Variants in LRRC7 observed in about 807,000 individuals in gnomAD.
LRRC7 encodes leucine rich repeat containing 7.
In LRRC7, 23 loss-of-function variants were observed where a neutral mutation model predicts 175.7. That is an observed-to-expected ratio of 0.13 (90% CI 0.09 to 0.19). LRRC7 has a LOEUF of 0.19. Among genes scored for constraint, LRRC7 ranks in the 10% least tolerant of loss-of-function variants. The probability of loss-of-function intolerance (pLI) is 1.00; values close to 1 mark genes in which losing one functional copy is unlikely to be tolerated. For synonymous variants in LRRC7, 685 were observed against 680.9 expected, an observed-to-expected ratio of 1.01 and a Z score of -0.09; for missense variants, 1,354 against 1,904.7, an observed-to-expected ratio of 0.71 and a Z score of 5.38.
chr1:69,687,219 T>C (rs917212913), intron 2 of LRRC7, among the ~76,000 whole-genome samples: 3 of 152,094 alleles, frequency 2.0e-5, no homozygotes, highest in Non-Finnish European at 4.4e-5. Context: ...AAAGAAACTA[T>C]TATTTTAGGA....
chr1:69,705,205 A>G (rs1663877067), intron 2 of LRRC7, among the ~76,000 whole-genome samples: 1 of 152,138 alleles, frequency 6.6e-6, no homozygotes, highest in African/African-American at 2.4e-5. Context: ...ATTTTTCACT[A>G]CAATTACTTG....
chr1:69,573,975 A>G (rs1156970583), intron 1 of LRRC7, among the ~76,000 whole-genome samples: 3 of 152,144 alleles, frequency 2.0e-5, no homozygotes, highest in African/African-American at 7.2e-5. Flanking sequence ...CAGTTGTGCC[A>G]GGATATTTTT....
chr1:70,040,306 G>A (rs1210663848), intron 21 of LRRC7, among the ~76,000 whole-genome samples: 1 of 151,880 alleles, frequency 6.6e-6, no homozygotes, highest in Non-Finnish European at 1.5e-5. Context: ...TTCCCAACAA[G>A]AAACAGAAAA....
chr1:69,931,390 C>A (rs1335101355), intron 7 of LRRC7, 117 bp from the exon 8 acceptor site: 2 of 707,378 alleles, frequency 2.8e-6, no homozygotes, highest in Non-Finnish European at 5.0e-6. Context: ...CTGAAGAGTA[C>A]CCCCAGTTTT....
At chr1:69,974,864 T>G (rs183961734) in intron 8 of LRRC7, among the ~76,000 whole-genome samples, 3 of 152,304 alleles carry the variant, frequency 2.0e-5, no homozygotes, top group Admixed American at 2.0e-4. Flanking sequence ...CTCTCTTCAT[T>G]ATTTTGGAAT....
chr1:69,663,694 G>C (rs1009289711), intron 1 of LRRC7, among the ~76,000 whole-genome samples: 1 of 110,998 alleles, frequency 9.0e-6, no homozygotes, highest in East Asian at 2.7e-4. Flanking sequence ...TAGTTCAATC[G>C]TTTTAATTTT....
At chr1:69,752,779 A>G (rs1669978846) in intron 2 of LRRC7, among the ~76,000 whole-genome samples, 1 of 152,170 alleles carries the variant, frequency 6.6e-6, no homozygotes, top group Non-Finnish European at 1.5e-5. Context: ...ATCATTCAAG[A>G]GAGAAGGGAA....
chr1:69,903,607 C>T (rs1429395732), intron 7 of LRRC7, among the ~76,000 whole-genome samples: 1 of 151,980 alleles, frequency 6.6e-6, no homozygotes, highest in African/African-American at 2.4e-5. Flanking sequence ...ACTAGAGAAG[C>T]AAGAGCAAAC....
At chr1:69,605,924 A>T (rs1647481195) in intron 1 of LRRC7, among the ~76,000 whole-genome samples, 1 of 152,154 alleles carries the variant, frequency 6.6e-6, no homozygotes, top group Non-Finnish European at 1.5e-5. Context: ...GTAAGGAATG[A>T]TTCTAATGCT....
In LRRC7 at chr1:70,023,251, C is replaced by T. The variant is rs148223563; in HGVS notation, c.1671C>T (p.Val557=). 2.0e-5 allele frequency: 32 copies of T among 1,613,162 alleles called. No individual in the cohort carries two copies. The African/African-American group carries it at 3.9e-4, about 19-fold the overall frequency. The change falls in exon 17 of 27, where the codon GTC becomes GTT. Residue 557 remains valine, a synonymous_variant. Coordinates refer to ENST00000651989, the MANE Select transcript of LRRC7 (RefSeq NM_001370785.2). ...RCDQQIQDMP[V]PQNDPQLAWG... ...ATCAGCAGATCCAAGATATGCCCGT[C>T]CCCCAGAATGACCCACAGCTGGCAT...
intron 1 of LRRC7, among the ~76,000 whole-genome samples, chr1:69,664,885 A>G (rs192731679): frequency 5.9e-5 from 9 of 152,280 alleles, no homozygotes; most frequent in East Asian, 1.9e-4. Flanking sequence ...GCCCTGATCA[A>G]TGTCCTGGAG....
intron 25 of LRRC7, among the ~76,000 whole-genome samples, chr1:70,100,180 T>G (rs1664711369): frequency 6.6e-6 from 1 of 152,056 alleles, no homozygotes; most frequent in Admixed American, 6.6e-5. Context: ...AAACACAATT[T>G]TAGCACTTAC....
intron 4 of LRRC7, among the ~76,000 whole-genome samples, chr1:69,811,147 C>T (rs1400971566): frequency 1.3e-5 from 2 of 152,092 alleles, no homozygotes; most frequent in Non-Finnish European, 2.9e-5. Flanking sequence ...GACATTTATG[C>T]AGCCAACAAA....
At chr1:69,922,511 AT>A (rs1275937830) in intron 7 of LRRC7, among the ~76,000 whole-genome samples, 1 of 152,208 alleles carries the variant, frequency 6.6e-6, no homozygotes, top group East Asian at 1.9e-4. Flanking sequence ...GAACTACTTA[AT>A]ACTGGGGACA....
In LRRC7 at chr1:70,095,359, T is replaced by C. The variant is rs115804055; in HGVS notation, c.4545+5540T>C. On this transcript the variant is annotated intron_variant, in intron 25 of 26. Coordinates refer to ENST00000651989, the MANE Select transcript of LRRC7 (RefSeq NM_001370785.2). The stretch of plus-strand genomic sequence containing the variant: ...AGCTGCATCTTAGTCATATTGCAGT[T>C]TGAGGTTCAGAATGCCACTAGGTTG... Among the ~76,000 whole-genome samples, 585 of 152,304 alleles carry C rather than the reference T, an allele frequency of 3.8e-3. 4 individuals are homozygous for C. Among genetic ancestry groups the C allele is most frequent in the African/African-American group, 0.013 (553 of 41,574 alleles).
chr1:69,809,498 C>G (rs760304604), intron 4 of LRRC7, among the ~76,000 whole-genome samples: 2 of 152,068 alleles, frequency 1.3e-5, no homozygotes, highest in Admixed American at 6.6e-5. Context: ...GCCAATATCC[C>G]TGGTGAACAT....
In LRRC7 at chr1:69,647,355, C is replaced by T. The variant is rs571468933; in HGVS notation, c.3-31026C>T. The stretch of plus-strand genomic sequence containing the variant: ...AATGTCTAATTTTCAAATTAAAGTG[C>T]CTTTATTTTGCTTTCAATCTTGAGT... On this transcript the variant is annotated intron_variant, in intron 1 of 26. Transcript: ENST00000651989. Among the ~76,000 whole-genome samples, 216 of 152,160 alleles carry T rather than the reference C, an allele frequency of 1.4e-3. 1 individual carries two copies. Among genetic ancestry groups the T allele is most frequent in the African/African-American group, 5.1e-3 (212 of 41,526 alleles).
chr1:70,077,990 T>C (rs1263980969), intron 24 of LRRC7, among the ~76,000 whole-genome samples: 1 of 152,186 alleles, frequency 6.6e-6, no homozygotes, highest in Non-Finnish European at 1.5e-5. Flanking sequence ...TAACACCTTT[T>C]GATGTCTCAG....
chr1:70,058,541 C>T (rs916706498), intron 23 of LRRC7, among the ~76,000 whole-genome samples: 1 of 152,112 alleles, frequency 6.6e-6, no homozygotes, highest in East Asian at 1.9e-4. Context: ...TACAGTCTAT[C>T]GGATTATGCC....
Sources: gnomAD v4.1 joint callset for allele counts (sites outside exome capture counted in the v4.1 genomes callset) on GRCh38, gnomAD v4.1.1 for gene constraint, MANE v1.5 for transcripts, NCBI Gene and HGNC (gene_info 2026-07-23, HGNC 2026-07-21) for gene names.